Variants in NAPEPLD observed in about 807,000 individuals in gnomAD.
The protein encoded by NAPEPLD is N-acyl-phosphatidylethanolamine-hydrolyzing phospholipase D.
A neutral mutation model predicts 38.1 loss-of-function variants in NAPEPLD; 23 were observed. The observed-to-expected ratio is 0.60, with a 90% confidence interval of 0.43 to 0.86. The LOEUF (loss-of-function observed/expected upper bound fraction) is 0.86, where lower values mean the gene tolerates loss of function less well. Ranked by LOEUF, NAPEPLD falls within the 40% of genes least tolerant of loss-of-function variation. The pLI, the probability that NAPEPLD is intolerant of heterozygous loss-of-function variation, is 0.00. For synonymous variants in NAPEPLD, 147 were observed against 162.0 expected, an observed-to-expected ratio of 0.91 and a Z score of 0.71; for missense variants, 411 against 476.8, an observed-to-expected ratio of 0.86 and a Z score of 1.28.
In NAPEPLD at chr7:103,128,603, C is replaced by G; in HGVS notation, c.174G>C (p.Lys58Asn). 1 of 1,614,178 alleles carries G rather than the reference C, an allele frequency of 6.2e-7. No homozygotes were observed. Among genetic ancestry groups the G allele is most frequent in the Non-Finnish European group, 8.5e-7 (1 of 1,180,018 alleles). ...YRLEEDVTKS[K>N]KGKDGRFVNP... ...TCACAAATCTCCCATCTTTTCCTTTCTTGGATTTAGTTACATCTTCTTCTA... is the reference window on the plus strand; with the variant it reads ...TCACAAATCTCCCATCTTTTCCTTTGTTGGATTTAGTTACATCTTCTTCTA... Residue 58 changes from lysine to asparagine, a missense_variant, in exon 2 of 5, where the codon AAG becomes AAC. Coordinates refer to ENST00000465647, the MANE Select transcript of NAPEPLD (RefSeq NM_001122838.3).
intron 4 of NAPEPLD, among the ~76,000 whole-genome samples, chr7:103,106,437 G>C (rs1803369659): frequency 6.6e-6 from 1 of 152,036 alleles, no homozygotes; most frequent in Admixed American, 6.5e-5. Flanking sequence ...TGAAGCCATG[G>C]AGCCAAGTGG....
At chr7:103,107,747 T>C (rs986404914) in intron 4 of NAPEPLD, among the ~76,000 whole-genome samples, 1 of 64,678 alleles carries the variant, frequency 1.5e-5, no homozygotes, top group Non-Finnish European at 3.0e-5. Context: ...AATATGTGAC[T>C]ATGTGAAAAG....
intron 3 of NAPEPLD, among the ~76,000 whole-genome samples, chr7:103,118,782 A>C (rs1419961925): frequency 6.6e-6 from 1 of 152,254 alleles, no homozygotes; most frequent in Non-Finnish European, 1.5e-5. Flanking sequence ...TAAACAGAGA[A>C]TATTAAGGAA....
chr7:103,108,410 G>A (rs1410346207), intron 4 of NAPEPLD, among the ~76,000 whole-genome samples: 2 of 152,092 alleles, frequency 1.3e-5, no homozygotes, highest in Admixed American at 1.3e-4. Flanking sequence ...AAAAGTGCTG[G>A]GATTACAGGC....
intron 1 of NAPEPLD, among the ~76,000 whole-genome samples, chr7:103,142,813 T>C (rs1340097837): frequency 1.3e-5 from 2 of 152,214 alleles, no homozygotes; most frequent in Non-Finnish European, 2.9e-5. Context: ...TTCATTAGGA[T>C]ACAGTTAATT....
chr7:103,138,531 C>T (rs987856344), intron 1 of NAPEPLD, among the ~76,000 whole-genome samples: 6 of 149,912 alleles, frequency 4.0e-5, no homozygotes, highest in South Asian at 2.1e-4. Context: ...TCCAGTGGTG[C>T]GATCTCAGCT....
At position 103,102,934 on chromosome 7, in the gene NAPEPLD, T is replaced by TA. The variant is rs1227492913; in HGVS notation, c.*494_*495insT. ...ATTTGATAGAGCAAGAATTGCTATGTTTATAATAAGCATGTTGGACTGAAT... is the reference window on the plus strand; with the variant it reads ...ATTTGATAGAGCAAGAATTGCTATGTATTATAATAAGCATGTTGGACTGAAT... On this transcript the variant is annotated 3_prime_UTR_variant, in exon 5 of 5. Transcript: ENST00000465647. 3 of 152,642 alleles carry TA rather than the reference T, an allele frequency of 2.0e-5. No individual in the cohort carries two copies. Among genetic ancestry groups the TA allele is most frequent in the African/African-American group, 7.2e-5 (3 of 41,444 alleles). 9.5% of individuals were successfully genotyped at this position (152,642 alleles called of 1,614,324 possible).
In NAPEPLD at chr7:103,115,172, C is replaced by T. The variant is rs772555693; in HGVS notation, c.944G>A (p.Trp315Ter). The T allele has an allele frequency of 3.1e-6, 5 of 1,607,670 alleles. No homozygotes were observed. In the Admixed American group the frequency reaches 8.5e-5, roughly 27 times the overall value. ...GTCTACATGCTGGTATTTCATAAAC[C>T]ACCTGAAGAAACATGGCAATTTCTT... ...AIPIGAYEPR[W>*]FMKYQHVDPE... Residue 315 changes from tryptophan to a stop codon, truncating the protein, a stop_gained and splice_region_variant, in exon 4 of 5, where the codon TGG (tryptophan) becomes TAG (stop). Transcript: ENST00000465647. LOFTEE classifies it high-confidence loss of function.
chr7:103,107,219 C>T (rs567513823), intron 4 of NAPEPLD, among the ~76,000 whole-genome samples: 3 of 152,198 alleles, frequency 2.0e-5, no homozygotes, highest in South Asian at 2.1e-4. Flanking sequence ...ACAAAAAGGA[C>T]GTCCACTCAT....
chr7:103,146,264 G>A (rs984226529), intron 1 of NAPEPLD, among the ~76,000 whole-genome samples: 1 of 151,576 alleles, frequency 6.6e-6, no homozygotes, highest in Non-Finnish European at 1.5e-5. Context: ...AGTATCGCTT[G>A]AACACACGAG....
intron 1 of NAPEPLD, among the ~76,000 whole-genome samples, chr7:103,135,422 CAT>C (rs1809819012): frequency 6.6e-6 from 1 of 152,144 alleles, no homozygotes; most frequent in South Asian, 2.1e-4. Context: ...CTCCCAGAGG[CAT>C]TTAGGGAACC....
chr7:103,120,584 T>C (rs1685194159), intron 2 of NAPEPLD, among the ~76,000 whole-genome samples: 1 of 151,428 alleles, frequency 6.6e-6, no homozygotes, highest in African/African-American at 2.4e-5. Flanking sequence ...AGCTGATGTA[T>C]TTGCTGCTAA....
At position 103,128,893 on chromosome 7, in the gene NAPEPLD, T is replaced by C. The variant is rs922308325; in HGVS notation, c.-16-101A>G. 9.0e-6 allele frequency: 11 copies of C among 1,218,324 alleles called. No individual in the cohort carries two copies. The African/African-American group carries it at 1.5e-4, about 17-fold the overall frequency. The allele number at this position is 1,218,324 out of a possible 1,614,324, so 75.5% of individuals were successfully genotyped here. A position where few individuals can be genotyped will look rare whatever the true frequency, so the allele number is the denominator to read the frequency against. On this transcript the variant is annotated intron_variant, in intron 1 of 4. Coordinates refer to ENST00000465647, the MANE Select transcript of NAPEPLD (RefSeq NM_001122838.3). ...GCCAATAAAAATTTCTCTAAACTTA[T>C]AAAAATATTATGTCTGTATTAGCTG...
At chr7:103,141,609 C>A in intron 1 of NAPEPLD, 1 of 924,706 alleles carries the variant, frequency 1.1e-6, no homozygotes, top group Non-Finnish European at 1.8e-6. Flanking sequence ...TTCTTAGATT[C>A]ACGGTATCTT....
At chr7:103,115,669 C>T (rs569425482) in intron 3 of NAPEPLD, among the ~76,000 whole-genome samples, 6 of 152,238 alleles carry the variant, frequency 3.9e-5, no homozygotes, top group Middle Eastern at 6.8e-3. Context: ...TATAATTCAA[C>T]GGCAAGCCAG....
intron 4 of NAPEPLD, among the ~76,000 whole-genome samples, chr7:103,111,081 T>C (rs1451762285): frequency 6.6e-6 from 1 of 152,138 alleles, no homozygotes; most frequent in African/African-American, 2.4e-5. Context: ...CAGGAAAAAC[T>C]ACAAACCACT....
At chr7:103,121,713 G>A (rs754834142) in intron 2 of NAPEPLD, among the ~76,000 whole-genome samples, 1 of 152,080 alleles carries the variant, frequency 6.6e-6, no homozygotes, top group Non-Finnish European at 1.5e-5. Context: ...GACTGGCTAG[G>A]TATAGTAATT....
intron 1 of NAPEPLD, among the ~76,000 whole-genome samples, chr7:103,137,390 C>T (rs557640460): frequency 6.6e-6 from 1 of 152,252 alleles, no homozygotes; most frequent in East Asian, 1.9e-4. Flanking sequence ...GAAAGCAAAG[C>T]TTTCATTAGA....
At chr7:103,119,512 G>A in intron 3 of NAPEPLD, 65 bp downstream of exon 3, 1 of 1,511,190 alleles carries the variant, frequency 6.6e-7, no homozygotes, top group Non-Finnish European at 8.9e-7. Context: ...AATCATAATT[G>A]CTTTACTTTT....
Sources: gnomAD v4.1 joint callset for allele counts (sites outside exome capture counted in the v4.1 genomes callset) on GRCh38, gnomAD v4.1.1 for gene constraint, MANE v1.5 for transcripts, NCBI Gene and HGNC (gene_info 2026-07-23, HGNC 2026-07-21) for gene names.